The following SEMA5A variants were observed in gnomAD, a reference collection of about 807,000 sequenced individuals.
SEMA5A encodes semaphorin 5A.
Under a neutral mutation model 135.5 loss-of-function variants are expected in SEMA5A, and 55 were observed. The ratio of observed to expected loss-of-function variants is 0.41; its 90% CI spans 0.33 to 0.51. The LOEUF is 0.51. Among genes scored for constraint, SEMA5A ranks in the 20% least tolerant of loss-of-function variants. The pLI is 0.37. For missense variants in SEMA5A, 1,290 were observed against 1,419.9 expected, an observed-to-expected ratio of 0.91 and a Z score of 1.47; for synonymous variants, 580 against 546.5, an observed-to-expected ratio of 1.06 and a Z score of -0.85.
intron 5 of SEMA5A, among the ~76,000 whole-genome samples, chr5:9,246,629 T>C (rs542547098): frequency 3.9e-5 from 6 of 152,308 alleles, no homozygotes; most frequent in African/African-American, 1.4e-4. Context: ...AAGTTGATTA[T>C]AGAAAGTTAT....
intron 3 of SEMA5A, among the ~76,000 whole-genome samples, chr5:9,353,482 C>T (rs1490061230): frequency 6.6e-6 from 1 of 152,098 alleles, no homozygotes; most frequent in Non-Finnish European, 1.5e-5. Context: ...CATACCTCTT[C>T]CCTAAGACTC....
intron 1 of SEMA5A, chr5:9,517,485 C>T (rs1466066253): frequency 6.6e-6 from 1 of 152,144 alleles, no homozygotes; most frequent in Non-Finnish European, 1.5e-5. Context: ...TCCACAGAAT[C>T]CCCAGGTCCT....
chr5:9,318,342 G>A (rs1004245118), intron 5 of SEMA5A, 30 bp downstream of exon 5: 2 of 1,599,254 alleles, frequency 1.3e-6, no homozygotes, highest in African/African-American at 1.3e-5. Context: ...GATGGAAAAT[G>A]AAAGCTTGAG....
intron 16 of SEMA5A, among the ~76,000 whole-genome samples, chr5:9,072,264 C>T (rs568533369): frequency 2.0e-4 from 31 of 152,254 alleles, no homozygotes; most frequent in South Asian, 4.1e-4. Flanking sequence ...TGAGAAGGTT[C>T]CCAGGCCACA....
At chr5:9,136,040 G>A (rs1741721465) in intron 13 of SEMA5A, among the ~76,000 whole-genome samples, 1 of 152,106 alleles carries the variant, frequency 6.6e-6, no homozygotes, top group Admixed American at 6.6e-5. Context: ...ACCTTGAACA[G>A]GATCTACGGG....
intron 3 of SEMA5A, among the ~76,000 whole-genome samples, chr5:9,378,010 A>G (rs895058518): frequency 1.3e-5 from 2 of 152,226 alleles, no homozygotes; most frequent in African/African-American, 4.8e-5. Flanking sequence ...TGGGCTTAAA[A>G]TGCTATAATT....
intron 1 of SEMA5A, among the ~76,000 whole-genome samples, chr5:9,506,931 A>G (rs1453897464): frequency 2.0e-5 from 3 of 152,160 alleles, no homozygotes; most frequent in Non-Finnish European, 4.4e-5. Flanking sequence ...TTAAAATTGA[A>G]TACTTACTGA....
At position 9,039,762 on chromosome 5, in the gene SEMA5A, C is replaced by G. The variant is rs1209830194; in HGVS notation, c.*3135G>C. 1.3e-5 allele frequency: 2 copies of G among 152,268 alleles called. No homozygotes were observed. The highest frequency in any genetic ancestry group is 4.8e-5 in the African/African-American group (2 of 41,446). 9.4% of individuals were successfully genotyped at this position (152,268 alleles called of 1,614,324 possible). On this transcript the variant is annotated 3_prime_UTR_variant, in exon 23 of 23. Transcript: ENST00000382496. ...TGCCCCCTGAGTTCCTTAGAATTCA[C>G]TAAGTCCATATCATTCAGAGGTTAC...
intron 1 of SEMA5A, among the ~76,000 whole-genome samples, chr5:9,493,209 T>C (rs1735120958): frequency 6.6e-6 from 1 of 151,366 alleles, no homozygotes; most frequent in Non-Finnish European, 1.5e-5. Context: ...CATAAATATA[T>C]AAATATATAT....
rs141129448 is a variant in SEMA5A, at chr5:9,318,935, A to T, written c.225-518T>A. 5.3e-5 allele frequency among the ~76,000 whole-genome samples: 8 copies of T among 152,326 alleles called. No homozygotes were observed. The East Asian group carries it at 1.5e-3, about 29-fold the overall frequency. On this transcript the variant is annotated intron_variant, in intron 4 of 22. Coordinates refer to ENST00000382496, the MANE Select transcript of SEMA5A (RefSeq NM_003966.3). ...GAACTTGGGCCCGGCATGGTGGTTC[A>T]CACCTGTAATCCCAGCACTTTGGGA...
intron 4 of SEMA5A, among the ~76,000 whole-genome samples, chr5:9,331,939 A>G (rs1753152939): frequency 6.6e-6 from 1 of 152,266 alleles, no homozygotes; most frequent in African/African-American, 2.4e-5. Context: ...TATTTGTTGC[A>G]CATACATTTA....
At chr5:9,303,761 A>G (rs1751728132) in intron 5 of SEMA5A, among the ~76,000 whole-genome samples, 1 of 152,212 alleles carries the variant, frequency 6.6e-6, no homozygotes, top group Admixed American at 6.5e-5. Flanking sequence ...AAAGGAATAC[A>G]TTAAAAATCA....
rs182760363 is a variant in SEMA5A at position 9,448,980 on chromosome 5, A to T, written c.-174-11128T>A. ...AACAGTTTGGTTGGTGGGAACGTAA[A>T]TTAATTCAACCATTTGGAAGACAGG... On this transcript the variant is annotated intron_variant, in intron 1 of 22. Transcript: ENST00000382496. 1.1e-4 allele frequency among the ~76,000 whole-genome samples: 16 copies of T among 152,342 alleles called. No individual in the cohort carries two copies. The East Asian group carries it at 2.7e-3, about 26-fold the overall frequency.
chr5:9,154,980 G>A (rs1742873410), intron 11 of SEMA5A, among the ~76,000 whole-genome samples: 1 of 152,162 alleles, frequency 6.6e-6, no homozygotes, highest in South Asian at 2.1e-4. Flanking sequence ...GTCTCGGGAT[G>A]GAGAGCTCAA....
At chr5:9,369,941 A>G (rs536764153) in intron 3 of SEMA5A, among the ~76,000 whole-genome samples, 4 of 152,268 alleles carry the variant, frequency 2.6e-5, no homozygotes, top group Admixed American at 2.0e-4. Context: ...TATGTAACCA[A>G]TTCTACTACA....
chr5:9,317,164 A>C (rs1162595564), intron 5 of SEMA5A, among the ~76,000 whole-genome samples: 1 of 152,200 alleles, frequency 6.6e-6, no homozygotes, highest in African/African-American at 2.4e-5. Context: ...GCTCAATGAA[A>C]GACTCCAGTT....
chr5:9,305,291 A>G (rs1262901829), intron 5 of SEMA5A, among the ~76,000 whole-genome samples: 1 of 152,106 alleles, frequency 6.6e-6, no homozygotes, highest in Non-Finnish European at 1.5e-5. Flanking sequence ...TATATTTTCA[A>G]AATAATCTAT....
intron 6 of SEMA5A, among the ~76,000 whole-genome samples, chr5:9,237,168 C>A (rs142273820): frequency 2.2e-3 from 330 of 152,170 alleles, no homozygotes; most frequent in Non-Finnish European, 4.0e-3. Context: ...TGAGCCTGTT[C>A]ACAAGCTGCA....
intron 5 of SEMA5A, among the ~76,000 whole-genome samples, chr5:9,287,901 C>T (rs1750879356): frequency 6.6e-6 from 1 of 150,456 alleles, no homozygotes; most frequent in Non-Finnish European, 1.5e-5. Context: ...AATAAAATGT[C>T]ATCATGTTCA....
Sources: allele counts gnomAD v4.1 joint callset (sites outside exome capture counted in the v4.1 genomes callset), GRCh38; gene constraint gnomAD v4.1.1; transcripts MANE v1.5; gene names NCBI Gene and HGNC (gene_info 2026-07-23, HGNC 2026-07-21).